The following CARS2 variants were observed in gnomAD, a reference collection of about 807,000 sequenced individuals.
CARS2 encodes cysteinyl-tRNA synthetase 2, mitochondrial, also known as probable cysteine--tRNA ligase, mitochondrial.
A neutral mutation model predicts 68.8 loss-of-function variants in CARS2; 52 were observed. The observed-to-expected ratio is 0.76, with a 90% confidence interval of 0.61 to 0.95. The LOEUF (loss-of-function observed/expected upper bound fraction) is 0.95. Among genes scored for constraint, CARS2 ranks in the 40% least tolerant of loss-of-function variants. The pLI, the probability that CARS2 is intolerant of heterozygous loss-of-function variation, is 0.00. For missense variants in CARS2, 780 were observed against 754.2 expected, an observed-to-expected ratio of 1.03 and a Z score of -0.40; for synonymous variants, 314 against 303.6, an observed-to-expected ratio of 1.03 and a Z score of -0.36.
chr13:110,680,159 G>C (rs1014319383), intron 6 of CARS2, among the ~76,000 whole-genome samples: 8 of 113,012 alleles, frequency 7.1e-5, no homozygotes, highest in East Asian at 5.2e-4. Context: ...GGGGGGGGGG[G>C]GGGGGGTGGA....
chr13:110,681,344 G>A (rs748570256), intron 6 of CARS2, among the ~76,000 whole-genome samples: 3 of 152,046 alleles, frequency 2.0e-5, no homozygotes, highest in Non-Finnish European at 4.4e-5. Context: ...ATGTAAAAAT[G>A]GTGGTTTTAT....
upstream of CARS2, among the ~76,000 whole-genome samples, chr13:110,710,189 T>C (rs1005330336): frequency 6.6e-6 from 1 of 152,134 alleles, no homozygotes; most frequent in Non-Finnish European, 1.5e-5. Flanking sequence ...GAGACCAGCC[T>C]GGGCCAACAT....
intron 7 of CARS2, among the ~76,000 whole-genome samples, chr13:110,669,632 A>G (rs1170455014): frequency 2.6e-5 from 4 of 152,108 alleles, no homozygotes; most frequent in East Asian, 1.9e-4. Flanking sequence ...TCCAGTCTAC[A>G]GCTCCCAGCA....
At chr13:110,701,730 G>A (rs527465837) in intron 2 of CARS2, among the ~76,000 whole-genome samples, 175 bp from the exon 3 acceptor site, 3 of 152,354 alleles carry the variant, frequency 2.0e-5, no homozygotes, top group African/African-American at 4.8e-5. Context: ...CAGGGCCTGC[G>A]CCACAAGGGT....
chr13:110,677,450 AC>A (rs2062992146), intron 6 of CARS2, among the ~76,000 whole-genome samples: 1 of 142,198 alleles, frequency 7.0e-6, no homozygotes, highest in South Asian at 2.3e-4. Flanking sequence ...AAACACAATC[AC>A]CCCACCACGG....
intron 9 of CARS2, among the ~76,000 whole-genome samples, chr13:110,656,455 A>G (rs1009420213): frequency 2.0e-5 from 3 of 152,256 alleles, no homozygotes; most frequent in African/African-American, 7.2e-5. Flanking sequence ...GGTGCAGTCC[A>G]CGAGAAAAAG....
At chr13:110,704,652 G>A (rs967590020) in intron 2 of CARS2, among the ~76,000 whole-genome samples, 2 of 152,030 alleles carry the variant, frequency 1.3e-5, no homozygotes, top group South Asian at 2.1e-4. Context: ...GCCAGGAGGC[G>A]GCAACTGGAC....
chr13:110,651,019 G>T lies in CARS2; in HGVS notation c.1054+15C>A. On this transcript the variant is annotated intron_variant, in intron 10 of 14. Coordinates refer to ENST00000257347, the MANE Select transcript of CARS2 (RefSeq NM_024537.4). ...GAGCTGGGGGGGGAGTCCACTCCAC[G>T]TGTGCTCGGCTCACCTGAGCGGTAG... The T allele has an allele frequency of 6.2e-7, 1 of 1,601,722 alleles. No individual in the cohort carries two copies. The highest frequency in any genetic ancestry group is 8.5e-7 in the Non-Finnish European group (1 of 1,170,554).
At chr13:110,667,505 T>C in intron 7 of CARS2, 32 bp from the exon 8 acceptor site, 1 of 1,600,508 alleles carries the variant, frequency 6.2e-7, no homozygotes, top group Non-Finnish European at 8.5e-7. Flanking sequence ...AGTGAATTCA[T>C]TCAATCAAGC....
intron 8 of CARS2, chr13:110,664,469 T>C (rs916383358): frequency 2.3e-6 from 1 of 432,332 alleles, no homozygotes; most frequent in East Asian, 1.6e-4. Flanking sequence ...GTGAGCTATG[T>C]TCATGTCACT....
At chr13:110,691,122 G>T (rs1231394906) in intron 3 of CARS2, among the ~76,000 whole-genome samples, 1 of 152,070 alleles carries the variant, frequency 6.6e-6, no homozygotes, top group Non-Finnish European at 1.5e-5. Flanking sequence ...CTCAAGCGAT[G>T]CTCCTGTCTC....
intron 9 of CARS2, among the ~76,000 whole-genome samples, chr13:110,654,244 T>C (rs1041552205): frequency 2.0e-5 from 3 of 152,232 alleles, no homozygotes; most frequent in Non-Finnish European, 4.4e-5. Context: ...CCTAGCTTGC[T>C]TTGAGACGTA....
rs1357529892 is a variant in CARS2 at position 110,642,030 on chromosome 13, T to C, written c.1623+285A>G. On this transcript the variant is annotated intron_variant, in intron 14 of 14. Transcript: ENST00000257347. ...CAGCCTGACCCACGTGGAGAAAACC[T>C]GTCTCTACTAAAAATAAAAAATCAG... Among the ~76,000 whole-genome samples the C allele has an allele frequency of 5.3e-5, 8 of 152,112 alleles. 1 individual carries two copies. In the Middle Eastern group the frequency reaches 0.027, roughly 517 times the overall value.
At position 110,645,996 on chromosome 13, in the gene CARS2, C is replaced by A. The variant is rs113033050; in HGVS notation, c.1288G>T (p.Gly430Trp). 1 of 1,613,886 alleles carries A rather than the reference C, an allele frequency of 6.2e-7. No individual in the cohort carries two copies. The change falls in exon 12 of 15, where the codon GGG becomes TGG. Residue 430 changes from glycine (G) to tryptophan (W), a missense_variant. By Grantham distance (184) the Gly-to-Trp change is radical (BLOSUM62 -2). Transcript: ENST00000257347. ...VDAILGLAHH[G>W]NGQLRASLKE... Reference sequence around the variant, plus strand: ...AGGGACGCCCTGAGCTGTCCATTCCCGTGGTGTGCAAGGCCCAGGATGGCA... The same window carrying A: ...AGGGACGCCCTGAGCTGTCCATTCCAGTGGTGTGCAAGGCCCAGGATGGCA...
At position 110,642,500 on chromosome 13, in the gene CARS2, C is replaced by G. The variant is rs192532265; in HGVS notation, c.1438G>C (p.Glu480Gln). The G allele has an allele frequency of 5.7e-5, 92 of 1,608,024 alleles. No individual in the cohort carries two copies. Among genetic ancestry groups the G allele is most frequent in the Middle Eastern group, 5.0e-4 (3 of 6,056 alleles). The change falls in exon 14 of 15, where the codon GAG (glutamate) becomes CAG (glutamine). Residue 480 changes from glutamate to glutamine, a missense_variant. Coordinates refer to ENST00000257347, the MANE Select transcript of CARS2 (RefSeq NM_024537.4). ...TCCACCACACCATGCAAGGTAGCCT[C>G]GCTGCCGTCTCCTGAAACGTACTGA... is the stretch of plus-strand genomic sequence containing the variant. ...NQQYVSGDGS[E>Q]ATLHGVVDEL...
chr13:110,644,424 C>G lies in CARS2; in HGVS notation c.1377G>C (p.Gln459His), dbSNP rs1047045222. Residue 459 changes from glutamine to histidine, a missense_variant, in exon 13 of 15, where the codon CAG (glutamine) becomes CAC (histidine). Transcript: ENST00000257347. Reference protein sequence around the residue: ...VFGAIISYFEQFFETVGISLA... With the variant: ...VFGAIISYFEHFFETVGISLA... ...GAGAAATTCCAACAGTTTCAAAAAA[C>G]TGTTCAAAGTAAGAGATGATGGCAC... is the stretch of plus-strand genomic sequence containing the variant. 6.2e-7 allele frequency: 1 copy of G among 1,613,954 alleles called. No homozygotes were observed. The highest frequency in any genetic ancestry group is 1.3e-5 in the African/African-American group (1 of 74,926).
chr13:110,642,625 G>A, intron 13 of CARS2, 104 bp from the exon 14 acceptor site: 1 of 1,109,052 alleles, frequency 9.0e-7, no homozygotes, highest in Non-Finnish European at 1.4e-6. Flanking sequence ...CCCAGCCCTG[G>A]GCTTCCCTGA....
chr13:110,646,941 G>A (rs999062633), intron 11 of CARS2, 160 bp downstream of exon 11: 3 of 834,664 alleles, frequency 3.6e-6, no homozygotes, highest in Non-Finnish European at 5.3e-6. Context: ...CTCCTGCCCA[G>A]CACCCTGTCT....
chr13:110,686,218 GCGACAGAACAT>G (rs2139852064), intron 5 of CARS2, among the ~76,000 whole-genome samples: 1 of 150,350 alleles, frequency 6.7e-6, no homozygotes, highest in African/African-American at 2.4e-5. Context: ...CATGGCTGAT[GCGACAGAACAT>G]CTGCAACTCA....
Sources: gnomAD v4.1 joint callset for allele counts (sites outside exome capture counted in the v4.1 genomes callset) on GRCh38, gnomAD v4.1.1 for gene constraint, MANE v1.5 for transcripts, NCBI Gene and HGNC (gene_info 2026-07-23, HGNC 2026-07-21) for gene names.